Variants in SLC38A2 observed in about 807,000 individuals in gnomAD.
SLC38A2 encodes the protein solute carrier family 38 member 2.
A neutral mutation model predicts 61.5 loss-of-function variants in SLC38A2; 11 were observed. The ratio of observed to expected loss-of-function variants is 0.18; its 90% CI spans 0.11 to 0.30. SLC38A2 has a LOEUF of 0.30. Among genes scored for constraint, SLC38A2 ranks in the 10% least tolerant of loss-of-function variants. SLC38A2 has a pLI of 1.00. For missense variants in SLC38A2, 522 were observed against 600.4 expected, an observed-to-expected ratio of 0.87 and a Z score of 1.36; for synonymous variants, 217 against 212.5, an observed-to-expected ratio of 1.02 and a Z score of -0.18.
intron 13 of SLC38A2, 21 bp from the exon 14 acceptor site, chr12:46,362,659 A>G (rs1483840174): frequency 6.5e-7 from 1 of 1,550,312 alleles, no homozygotes; most frequent in Non-Finnish European, 8.6e-7. Context: ...AATAAATAAA[A>G]TGTATTTTAA....
intron 1 of SLC38A2, 176 bp from the exon 2 acceptor site, chr12:46,371,555 G>A (rs1419471775): frequency 1.1e-5 from 5 of 452,174 alleles, no homozygotes; most frequent in African/African-American, 8.5e-5. Context: ...CGGCGGAGCC[G>A]CGGGGAGAAC....
rs1943217446 is a variant in SLC38A2, at chr12:46,372,553, CTCAG to C, written c.-135_-132del. 6 of 393,468 alleles carry C rather than the reference CTCAG, an allele frequency of 1.5e-5. No individual in the cohort carries two copies. In the East Asian group the frequency reaches 1.8e-4, roughly 12 times the overall value. 24.4% of individuals were successfully genotyped at this position (393,468 alleles called of 1,614,324 possible). ...ACGCAGACGTCTTCAGTGGGTTTCT[CTCAG>C]TCAAATACAAATCATAAAAAACAAA... is the stretch of plus-strand genomic sequence containing the variant. On this transcript the variant is annotated 5_prime_UTR_variant, in exon 1 of 16. Transcript: ENST00000256689.
intron 7 of SLC38A2, 74 bp downstream of exon 7, chr12:46,366,790 C>A: frequency 7.5e-7 from 1 of 1,338,526 alleles, no homozygotes. Context: ...ATTTTGTATA[C>A]AACTTTGATA....
chr12:46,369,753 C>G (rs1354817460), intron 4 of SLC38A2, among the ~76,000 whole-genome samples: 1 of 152,064 alleles, frequency 6.6e-6, no homozygotes, highest in Admixed American at 6.5e-5. Flanking sequence ...CTCCAAGAGT[C>G]AGTGACGCAA....
chr12:46,362,700 A>C, intron 13 of SLC38A2, 62 bp from the exon 14 acceptor site: 5 of 1,494,488 alleles, frequency 3.3e-6, no homozygotes, highest in Non-Finnish European at 4.4e-6. Flanking sequence ...TTAAAAATCC[A>C]GCTTCAATGA....
At chr12:46,366,727 G>T (rs556126362) in intron 7 of SLC38A2, 137 bp downstream of exon 7, 2 of 759,856 alleles carry the variant, frequency 2.6e-6, no homozygotes, top group South Asian at 2.1e-5. Flanking sequence ...TACGGGGATG[G>T]GGGGCCTTCT....
rs1435531720 is a variant in SLC38A2, at chr12:46,364,509, C to G, written c.753G>C (p.Leu251Phe). The G allele has an allele frequency of 1.9e-6, 3 of 1,612,214 alleles. No homozygotes were observed. The highest frequency in any genetic ancestry group is 2.5e-6 in the Non-Finnish European group (3 of 1,179,192). The change falls in exon 10 of 16, where the codon TTG (leucine) becomes TTC (phenylalanine). Residue 251 changes from leucine to phenylalanine, a missense_variant. By Grantham distance (22) the Leu-to-Phe change is conservative. Transcript: ENST00000256689. ...TGGTGTTTATTGTTTCGTTAATTAT[C>G]AAAGCAGCTTCCACAGGACACGGAA... Reference protein sequence around the residue: ...FQVPCPVEAALIINETINTTL... With the variant: ...FQVPCPVEAAFIINETINTTL...
At position 46,361,124 on chromosome 12, in the gene SLC38A2, C is replaced by G; in HGVS notation, c.1508G>C (p.Gly503Ala). ...GAGTGGTGCCAATTAATGGCCACCT[C>G]CAGGTGCATTGTGTACCCAATCCAA... ...IVLDWVHNAP[G>A]GGH Residue 503 changes from glycine (G) to alanine (A), a missense_variant, in exon 16 of 16, where the codon GGA becomes GCA. By Grantham distance (60) the Gly-to-Ala change is moderately conservative. Transcript: ENST00000256689. 1 of 1,613,242 alleles carries G rather than the reference C, an allele frequency of 6.2e-7. No homozygotes were observed. The highest frequency in any genetic ancestry group is 8.5e-7 in the Non-Finnish European group (1 of 1,179,474).
At chr12:46,362,192 A>AT (rs1282790609) in intron 15 of SLC38A2, 92 bp downstream of exon 15, 3 of 1,041,590 alleles carry the variant, frequency 2.9e-6, no homozygotes, top group Non-Finnish European at 4.1e-6. Flanking sequence ...AAGTGAAACC[A>AT]TAACAAATAA....
In SLC38A2 at chr12:46,360,468, C is replaced by T. The variant is rs1036037582; in HGVS notation, c.*643G>A. ...GTACAATTTTTCATTACATCATTTTCTCTAAAAATTATTTTGGGTAAAAAA... is the reference window on the plus strand; with the variant it reads ...GTACAATTTTTCATTACATCATTTTTTCTAAAAATTATTTTGGGTAAAAAA... On this transcript the variant is annotated 3_prime_UTR_variant, in exon 16 of 16. Transcript: ENST00000256689. The T allele has an allele frequency of 1.6e-4, 24 of 152,132 alleles. No individual in the cohort carries two copies. Among genetic ancestry groups the T allele is most frequent in the Non-Finnish European group, 5.9e-5 (4 of 68,012 alleles). The allele number at this position is 152,132 out of a possible 1,614,324, so 9.4% of individuals were successfully genotyped here.
At chr12:46,370,069 G>A (rs1377741005) in intron 4 of SLC38A2, among the ~76,000 whole-genome samples, 2 of 152,162 alleles carry the variant, frequency 1.3e-5, no homozygotes, top group Non-Finnish European at 2.9e-5. Context: ...TGTATGTTTA[G>A]AGAAATTTTC....
rs561442382 is a variant in SLC38A2, at chr12:46,366,272, T to C, written c.563+592A>G. 1.1e-4 allele frequency among the ~76,000 whole-genome samples: 16 copies of C among 152,320 alleles called. No individual in the cohort carries two copies. In the South Asian group the frequency reaches 2.3e-3, roughly 22 times the overall value. On this transcript the variant is annotated intron_variant, in intron 7 of 15. Transcript: ENST00000256689. ...ATACATATTTGAAGTATCTTGGAGA[T>C]GGCACTGAAGTCTAAACACAAAATT...
At chr12:46,370,655 C>CG in intron 3 of SLC38A2, 28 bp from the exon 4 acceptor site, 1 of 1,576,780 alleles carries the variant, frequency 6.3e-7, no homozygotes, top group Non-Finnish European at 8.7e-7. Context: ...GATAACCAAA[C>CG]ATATAACAAT....
rs1481742372 is a variant in SLC38A2 at position 46,358,721 on chromosome 12, G to C, written c.*2390C>G. 4 of 152,498 alleles carry C rather than the reference G, an allele frequency of 2.6e-5. No homozygotes were observed. Among genetic ancestry groups the C allele is most frequent in the African/African-American group, 9.7e-5 (4 of 41,398 alleles). 9.4% of individuals were successfully genotyped at this position (152,498 alleles called of 1,614,324 possible). On this transcript the variant is annotated 3_prime_UTR_variant, in exon 16 of 16. Transcript: ENST00000256689. ...TACAACCTATTTACAAATACATATG[G>C]ACAGACAATATATGTACATAGATTA...
intron 13 of SLC38A2, 58 bp from the exon 14 acceptor site, chr12:46,362,696 A>G: frequency 4.6e-6 from 7 of 1,508,486 alleles, no homozygotes; most frequent in Non-Finnish European, 6.2e-6. Context: ...AAATTTAAAA[A>G]TCCAGCTTCA....
chr12:46,362,557 A>G lies in SLC38A2; in HGVS notation c.1261T>C (p.Leu421=), dbSNP rs751421938. 6 of 1,602,604 alleles carry G rather than the reference A, an allele frequency of 3.7e-6. No individual in the cohort carries two copies. The African/African-American group carries it at 6.7e-5, about 18-fold the overall frequency. The part of the protein sequence containing the change: ...WRHSLITVSI[L]AFTNLLVIFV... Reference sequence around the variant, plus strand: ...ATGACAAGTAAATTGGTAAATGCCAAGATAGACACTGTAATGAGACTATGA... The same window carrying G: ...ATGACAAGTAAATTGGTAAATGCCAGGATAGACACTGTAATGAGACTATGA... Residue 421 remains leucine, a synonymous_variant, in exon 14 of 16, where the codon TTG becomes CTG. Transcript: ENST00000256689.
intron 2 of SLC38A2, 94 bp downstream of exon 2, chr12:46,371,084 T>C: frequency 9.2e-7 from 1 of 1,086,312 alleles, no homozygotes. Flanking sequence ...CTAAATGCTA[T>C]AGCAAATTAA....
At chr12:46,367,417 A>C in intron 4 of SLC38A2, 77 bp from the exon 5 acceptor site, 1 of 835,146 alleles carries the variant, frequency 1.2e-6, no homozygotes, top group Non-Finnish European at 2.0e-6. Flanking sequence ...TGGATGTTTA[A>C]ATAACATTAT....
rs1346546538 is a variant in SLC38A2, at chr12:46,359,725, C to T, written c.*1386G>A. ...TCAAAGTAATTATTTTCATTTCTAA[C>T]TGGGATTGAAATGGAAGGGTTGACA... On this transcript the variant is annotated 3_prime_UTR_variant, in exon 16 of 16. Transcript: ENST00000256689. 2.0e-5 allele frequency: 3 copies of T among 152,606 alleles called. No homozygotes were observed. The highest frequency in any genetic ancestry group is 7.2e-5 in the African/African-American group (3 of 41,440). The allele number at this position is 152,606 out of a possible 1,614,324, so 9.5% of individuals were successfully genotyped here.
Sources: gnomAD v4.1 joint callset for allele counts (sites outside exome capture counted in the v4.1 genomes callset) on GRCh38, gnomAD v4.1.1 for gene constraint, MANE v1.5 for transcripts, NCBI Gene and HGNC (gene_info 2026-07-23, HGNC 2026-07-21) for gene names.